Variants in WDR90 observed in about 807,000 individuals in gnomAD.
WDR90 encodes WD repeat domain 90, also known as WD repeat-containing protein 90.
WDR90 carries 238 observed loss-of-function variants against 195.2 expected under a neutral mutation model. The observed-to-expected ratio is 1.22, with a 90% CI of 1.10 to 1.36. The LOEUF is 1.36. Ranked by LOEUF, WDR90 falls within the 40% of genes most tolerant of loss-of-function variation. The pLI is 0.00. For missense variants in WDR90, 2,734 were observed against 2,439.5 expected, an observed-to-expected ratio of 1.12 and a Z score of -2.54; for synonymous variants, 1,265 against 1,052.4, an observed-to-expected ratio of 1.20 and a Z score of -3.91.
At position 658,345 on chromosome 16, in the gene WDR90, G is replaced by A; in HGVS notation, c.2766+1G>A. 1.2e-6 allele frequency: 2 copies of A among 1,612,056 alleles called. No individual in the cohort carries two copies. Among genetic ancestry groups the A allele is most frequent in the Non-Finnish European group, 1.7e-6 (2 of 1,179,632 alleles). ...TGTGTCGGGCCGCATCATCCGGGAG[G>A]TGAGCCTCAGGGCTGTGGCCCGCCG... On this transcript the variant is annotated splice_donor_variant, in intron 22 of 40. Coordinates refer to ENST00000293879, the MANE Select transcript of WDR90 (RefSeq NM_145294.5). LOFTEE classifies it high-confidence loss of function.
chr16:661,422 C>G lies in WDR90; in HGVS notation c.3594C>G (p.Cys1198Trp). Residue 1198 changes from cysteine to tryptophan, a missense_variant, in exon 30 of 41, where the codon TGC becomes TGG. By Grantham distance (215) the Cys-to-Trp change is radical (BLOSUM62 -2). Coordinates refer to ENST00000293879, the MANE Select transcript of WDR90 (RefSeq NM_145294.5). ...TCTGGGACGTGTCTGGCGGCCTCTG[C>G]CAGCATCTCATTTTCCCCCATAGCA... ...IRVWDVSGGL[C>W]QHLIFPHSTT... is the part of the protein sequence containing the mutation. The G allele has an allele frequency of 6.2e-7, 1 of 1,612,414 alleles. No individual in the cohort carries two copies. The highest frequency in any genetic ancestry group is 8.5e-7 in the Non-Finnish European group (1 of 1,179,898).
intron 1 of WDR90, 37 bp downstream of exon 1, chr16:649,463 G>T: frequency 7.8e-7 from 1 of 1,286,832 alleles, no homozygotes; most frequent in Non-Finnish European, 9.8e-7. Context: ...AGGATCCCGG[G>T]TTCCGGGGTT....
In WDR90 at chr16:660,178, G is replaced by T; in HGVS notation, c.3288+17G>T. 1.2e-5 allele frequency: 18 copies of T among 1,499,370 alleles called. No individual in the cohort carries two copies. Among genetic ancestry groups the T allele is most frequent in the Non-Finnish European group, 1.6e-5 (18 of 1,117,156 alleles). 92.9% of individuals were successfully genotyped at this position (1,499,370 alleles called of 1,614,324 possible). ...TCTGCCAAGGTGGGGAGTGGTTTCTGGGAGCCCTCTTTATCCCCAGCAAGC... is the reference window on the plus strand; with the variant it reads ...TCTGCCAAGGTGGGGAGTGGTTTCTTGGAGCCCTCTTTATCCCCAGCAAGC... On this transcript the variant is annotated intron_variant, in intron 27 of 40. Coordinates refer to ENST00000293879, the MANE Select transcript of WDR90 (RefSeq NM_145294.5).
At position 651,718 on chromosome 16, in the gene WDR90, C is replaced by T. The variant is rs1262487193; in HGVS notation, c.811C>T (p.Pro271Ser). 2.5e-6 allele frequency: 4 copies of T among 1,613,020 alleles called. No homozygotes were observed. In the Admixed American group the frequency reaches 5.0e-5, roughly 20 times the overall value. Residue 271 changes from proline to serine, a missense_variant, in exon 8 of 41, where the codon CCA (proline) becomes TCA (serine). By Grantham distance (74) the Pro-to-Ser change is moderately conservative. Coordinates refer to ENST00000293879, the MANE Select transcript of WDR90 (RefSeq NM_145294.5). ...CAAACCTGTGCGGTTCAGTGTGTCT[C>T]CAGTGGTCCAGACGCCCAGCCCCAC... is the stretch of plus-strand genomic sequence containing the variant. Reference protein sequence around the residue: ...SSKPVRFSVSPVVQTPSPTAS... With the variant: ...SSKPVRFSVSSVVQTPSPTAS...
rs182639543 is a variant in WDR90, at chr16:653,017, G to A, written c.1123-324G>A. ...TGGGTGCCTGCTCTGAGTGTTTGGG[G>A]GCCCTTTGGCCTTTTGTTACCCCCA... On this transcript the variant is annotated intron_variant, in intron 10 of 40. Transcript: ENST00000293879. Among the ~76,000 whole-genome samples the A allele has an allele frequency of 1.1e-3, 171 of 152,306 alleles. 1 individual carries two copies. The highest frequency in any genetic ancestry group is 1.5e-3 in the East Asian group (8 of 5,184).
intron 28 of WDR90, 85 bp from the exon 29 acceptor site, chr16:660,966 G>GCC: frequency 5.0e-5 from 7 of 140,760 alleles, no homozygotes; most frequent in South Asian, 4.4e-4. Flanking sequence ...CCCAGGCCCC[G>GCC]CCCCCTGTTC....
rs780059255 is a variant in WDR90 at position 658,507 on chromosome 16, A to G, written c.2767-18A>G. The G allele has an allele frequency of 6.3e-7, 1 of 1,599,492 alleles. No individual in the cohort carries two copies. The highest frequency in any genetic ancestry group is 8.5e-7 in the Non-Finnish European group (1 of 1,169,660). ...ACTCTCCTGAGACACGGCATTTCCCAAGAGCACTGTGTTCCAGCTGCCCGG... is the reference window on the plus strand; with the variant it reads ...ACTCTCCTGAGACACGGCATTTCCCGAGAGCACTGTGTTCCAGCTGCCCGG... On this transcript the variant is annotated intron_variant, in intron 22 of 40. Coordinates refer to ENST00000293879, the MANE Select transcript of WDR90 (RefSeq NM_145294.5).
intron 34 of WDR90, 23 bp downstream of exon 34, chr16:662,867 A>G (rs1057835): frequency 0.42 from 650,128 of 1,539,826 alleles, 155,310 homozygotes; most frequent in East Asian, 0.97. Context: ...CAGCCTGGGC[A>G]GAGGCGGGGC....
In WDR90 at chr16:655,852, C is replaced by A. The variant is rs1244639376; in HGVS notation, c.1929C>A (p.Leu643=). 1.3e-6 allele frequency: 2 copies of A among 1,598,722 alleles called. No homozygotes were observed. Among genetic ancestry groups the A allele is most frequent in the East Asian group, 2.3e-5 (1 of 44,282 alleles). Residue 643 remains leucine, a synonymous_variant, in exon 17 of 41, where the codon CTC becomes CTA. Transcript: ENST00000293879. ...GCTCTGAGGACGGCTTCTTGCGGCT[C>A]TGGCCCCTGGACTTCTCCTCGGTGC... ...AVGSEDGFLR[L]WPLDFSSVLL...
Position 655,290 on chromosome 16 carries a change from GTCC to G in WDR90, c.1557-14_1557-12del, listed in dbSNP as rs766265535. ...GCGCTGCGAGCTGCGGCAGTGCTCA[GTCC>G]TCATTCCTTGCAGGATGGCGTCGTG... On this transcript the variant is annotated splice_polypyrimidine_tract_variant and intron_variant, in intron 14 of 40. Coordinates refer to ENST00000293879, the MANE Select transcript of WDR90 (RefSeq NM_145294.5). 6.2e-7 allele frequency: 1 copy of G among 1,608,608 alleles called. No homozygotes were observed. Among genetic ancestry groups the G allele is most frequent in the South Asian group, 1.1e-5 (1 of 91,080 alleles).
chr16:659,524 G>A lies in WDR90; in HGVS notation c.3184+148G>A, dbSNP rs1175435651. 3.5e-5 allele frequency: 41 copies of A among 1,155,838 alleles called. No individual in the cohort carries two copies. In the East Asian group the frequency reaches 9.6e-4, roughly 27 times the overall value. 71.6% of individuals were successfully genotyped at this position (1,155,838 alleles called of 1,614,324 possible). On this transcript the variant is annotated intron_variant, in intron 26 of 40. Coordinates refer to ENST00000293879, the MANE Select transcript of WDR90 (RefSeq NM_145294.5). ...GTGGAACACAGTGGGGTCGGGGTGG[G>A]GGCAGCTTTTCCTCTCCTCCTTAGC... is the stretch of plus-strand genomic sequence containing the variant.
intron 34 of WDR90, chr16:663,159 C>A: frequency 2.3e-6 from 1 of 439,366 alleles, no homozygotes; most frequent in South Asian, 1.9e-5. Flanking sequence ...CACATCAGTC[C>A]GGGCGTGGTG....
chr16:661,354 G>C lies in WDR90; in HGVS notation c.3526G>C (p.Ala1176Pro). 1.2e-6 allele frequency: 2 copies of C among 1,604,446 alleles called. No individual in the cohort carries two copies. The highest frequency in any genetic ancestry group is 1.7e-6 in the Non-Finnish European group (2 of 1,177,000). ...TCTTGCCTGCCAGGTCCTGGCCTCT[G>C]CCTCGGGCCGAAGCAGCACGACCGC... is the stretch of plus-strand genomic sequence containing the variant. ...LSHSAQVLASASGRSSTTAHC... is the reference protein window; with the variant it reads ...LSHSAQVLASPSGRSSTTAHC... The change falls in exon 30 of 41, where the codon GCC (alanine) becomes CCC (proline). Residue 1176 changes from alanine to proline, a missense_variant. By Grantham distance (27) the Ala-to-Pro change is conservative (BLOSUM62 -1). Coordinates refer to ENST00000293879, the MANE Select transcript of WDR90 (RefSeq NM_145294.5).
chr16:663,064 G>A, intron 34 of WDR90: 1 of 722,392 alleles, frequency 1.4e-6, no homozygotes, highest in East Asian at 2.7e-5. Flanking sequence ...AGGCCTTGCA[G>A]GTCTTCTCAA....
At position 660,149 on chromosome 16, in the gene WDR90, CCACTCTGCCAAGG is replaced by C; in HGVS notation, c.3277_3288+1del. ...CGCCTGCCAGGGTCAGCTGCAGCCC[CCACTCTGCCAAGG>C]TGGGGAGTGGTTTCTGGGAGCCCTC... On this transcript the variant is annotated splice_donor_variant and coding_sequence_variant, in exon 27 of 41. Coordinates refer to ENST00000293879, the MANE Select transcript of WDR90 (RefSeq NM_145294.5). LOFTEE classifies it high-confidence loss of function. 1 of 1,533,896 alleles carries C rather than the reference CCACTCTGCCAAGG, an allele frequency of 6.5e-7. No individual in the cohort carries two copies. Among genetic ancestry groups the C allele is most frequent in the East Asian group, 2.5e-5 (1 of 40,526 alleles).
At position 649,399 on chromosome 16, in the gene WDR90, A is replaced by G; in HGVS notation, c.-18A>G. The G allele has an allele frequency of 1.5e-6, 2 of 1,319,526 alleles. No homozygotes were observed. The highest frequency in any genetic ancestry group is 1.9e-6 in the Non-Finnish European group (2 of 1,037,248). The allele number at this position is 1,319,526 out of a possible 1,614,324, so 81.7% of individuals were successfully genotyped here. A position where few individuals can be genotyped will look rare whatever the true frequency, so the allele number is the denominator to read the frequency against. On this transcript the variant is annotated 5_prime_UTR_variant, in exon 1 of 41. Coordinates refer to ENST00000293879, the MANE Select transcript of WDR90 (RefSeq NM_145294.5). ...TGGGCGCGCGGAGGCCTAGGCGGGA[A>G]GCTCGAGCGGCGGCGCCATGGCCCG...
chr16:658,865 G>A (rs1367098065), intron 23 of WDR90, 31 bp from the exon 24 acceptor site: 35 of 1,607,664 alleles, frequency 2.2e-5, no homozygotes, highest in Admixed American at 3.3e-5. Flanking sequence ...GCCCCGCCTC[G>A]GGGTCCTGCA....
chr16:649,764 G>A lies in WDR90; in HGVS notation c.12G>A (p.Ala4=). ...ACGCCCGGCGCCCGCTCCCCGCAGC[G>A]TGGCAGCACCCGTTCCTCAACGTCT... MAR[A]WQHPFLNVFR... Residue 4 remains alanine, a splice_region_variant and synonymous_variant, in exon 2 of 41, where the codon GCG becomes GCA. Coordinates refer to ENST00000293879, the MANE Select transcript of WDR90 (RefSeq NM_145294.5). The A allele has an allele frequency of 6.4e-7, 1 of 1,556,242 alleles. No individual in the cohort carries two copies. Among genetic ancestry groups the A allele is most frequent in the South Asian group, 1.2e-5 (1 of 84,816 alleles).
intron 9 of WDR90, 101 bp downstream of exon 9, chr16:652,140 G>T: frequency 3.7e-6 from 5 of 1,340,048 alleles, no homozygotes; most frequent in South Asian, 2.7e-5. Flanking sequence ...GCCTCCAACG[G>T]TCTCCTCTTG....
Sources: gnomAD v4.1 joint callset for allele counts (sites outside exome capture counted in the v4.1 genomes callset) on GRCh38, gnomAD v4.1.1 for gene constraint, MANE v1.5 for transcripts, NCBI Gene and HGNC (gene_info 2026-07-23, HGNC 2026-07-21) for gene names.